The following SULT1A1 variants were observed in gnomAD, a reference collection of about 807,000 sequenced individuals.
SULT1A1 encodes sulfotransferase family 1A member 1, also known as sulfotransferase 1A1.
In SULT1A1, 35 loss-of-function variants were observed where a neutral mutation model predicts 36.8. The observed-to-expected ratio is 0.95, with a 90% CI of 0.73 to 1.26. The LOEUF (loss-of-function observed/expected upper bound fraction) is 1.26. SULT1A1 is among the 50% of genes most tolerant of loss of function. SULT1A1 has a pLI of 0.00. For missense variants in SULT1A1, 309 were observed against 383.0 expected, an observed-to-expected ratio of 0.81 and a Z score of 1.61; for synonymous variants, 119 against 146.0, an observed-to-expected ratio of 0.82 and a Z score of 1.33.
intron 6 of SULT1A1, 152 bp from the exon 7 acceptor site, chr16:28,606,388 G>T: frequency 1.4e-6 from 2 of 1,415,220 alleles, no homozygotes; most frequent in South Asian, 1.3e-5. Context: ...CCAGTCCCGG[G>T]GGTAAAAAGA....
intron 4 of SULT1A1, 116 bp downstream of exon 4, chr16:28,608,175 C>A: frequency 7.1e-7 from 1 of 1,418,176 alleles, no homozygotes; most frequent in Non-Finnish European, 9.7e-7. Flanking sequence ...TTAGTAGAGA[C>A]AAGGTTCTTC....
At chr16:28,610,536 G>C, upstream of SULT1A1, 1 of 299,592 alleles carries the variant, frequency 3.3e-6, no homozygotes, top group African/African-American at 2.2e-5. Context: ...TGACCACAAG[G>C]CCAGTCTAGA....
At position 28,606,941 on chromosome 16, in the gene SULT1A1, T is replaced by C; in HGVS notation, c.499+10A>G. ...TAGCTCCACACTTTCCTTCCTCCCA[T>C]CAAACCCACCTTCTCCGACCATGAA... is the stretch of plus-strand genomic sequence containing the variant. On this transcript the variant is annotated intron_variant, in intron 5 of 7. Coordinates refer to ENST00000314752, the MANE Select transcript of SULT1A1 (RefSeq NM_001055.4). 3 of 1,612,476 alleles carry C rather than the reference T, an allele frequency of 1.9e-6. No homozygotes were observed. Among genetic ancestry groups the C allele is most frequent in the Non-Finnish European group, 2.5e-6 (3 of 1,178,674 alleles).
exon 1 of SULT1A1, chr16:28,623,368 T>C (rs1475512321): frequency 2.7e-6 from 4 of 1,478,498 alleles, no homozygotes; most frequent in Non-Finnish European, 2.7e-6. Flanking sequence ...ACGAGCGAGC[T>C]ACGGCACGCT....
At chr16:28,610,265 T>C, upstream of SULT1A1, 3 of 508,546 alleles carry the variant, frequency 5.9e-6, no homozygotes, top group Non-Finnish European at 7.1e-6. Context: ...TTTTTTTCTG[T>C]TTTTTTTTTT....
chr16:28,611,623 C>T (rs1233126405), upstream of SULT1A1: 3 of 151,346 alleles, frequency 2.0e-5, no homozygotes, highest in East Asian at 2.0e-4. Flanking sequence ...AGGACCCCCA[C>T]GTTCCTCTTC....
chr16:28,608,458 C>A lies in SULT1A1; in HGVS notation c.274+20G>T, dbSNP rs1392975735. The A allele has an allele frequency of 6.2e-7, 1 of 1,612,360 alleles. No individual in the cohort carries two copies. Among genetic ancestry groups the A allele is most frequent in the African/African-American group, 1.3e-5 (1 of 74,880 alleles). ...CCTGTCTTCCTCCACTCCCCTTGCACCCAGGACACACTCACACACCTGAGG... is the reference window on the plus strand; with the variant it reads ...CCTGTCTTCCTCCACTCCCCTTGCAACCAGGACACACTCACACACCTGAGG... On this transcript the variant is annotated intron_variant, in intron 3 of 7. Coordinates refer to ENST00000314752, the MANE Select transcript of SULT1A1 (RefSeq NM_001055.4).
Position 28,621,219 on chromosome 16 carries a change from C to T in SULT1A1, c.68-1086G>A, listed in dbSNP as rs151113887. Among the ~76,000 whole-genome samples, 644 of 151,166 alleles carry T rather than the reference C, an allele frequency of 4.3e-3. 5 individuals are homozygous for T. The highest frequency in any genetic ancestry group is 7.3e-3 in the South Asian group (35 of 4,770). On this transcript the variant is annotated intron_variant, in intron 1 of 5. Transcript: ENST00000350842. ...GAACAATCTCAGGTGCGAGGGCTCA[C>T]GTCTGTGATCCCAGCACTTTGGGAG...
At chr16:28,623,108 A>AG (rs2047688783) in intron 1 of SULT1A1, 45 of 795,638 alleles carry the variant, frequency 5.7e-5, no homozygotes, top group Non-Finnish European at 7.2e-5. Context: ...CCCACCCCCC[A>AG]GGTTCCCCCC....
At chr16:28,621,446 A>T (rs2151726294) in intron 1 of SULT1A1, among the ~76,000 whole-genome samples, 1 of 138,932 alleles carries the variant, frequency 7.2e-6, no homozygotes, top group East Asian at 2.2e-4. Flanking sequence ...AGGCCACTGC[A>T]CACTCCAGGC....
Position 28,606,748 on chromosome 16 carries a change from C to G in SULT1A1, c.594+13G>C, listed in dbSNP as rs1216072772. The G allele has an allele frequency of 1.2e-6, 2 of 1,611,674 alleles. No homozygotes were observed. Among genetic ancestry groups the G allele is most frequent in the Non-Finnish European group, 1.7e-6 (2 of 1,178,322 alleles). On this transcript the variant is annotated intron_variant, in intron 6 of 7. Coordinates refer to ENST00000314752, the MANE Select transcript of SULT1A1 (RefSeq NM_001055.4). ...AGGAGTCACATGGAGGGAAGCATCG[C>G]ACGTGGTCTCACCTCCTTCATGTCT...
upstream of SULT1A1, chr16:28,614,753 C>G (rs542396698): frequency 7.5e-5 from 10 of 133,606 alleles, 2 homozygotes; most frequent in South Asian, 1.9e-3. Context: ...CCCCATTGTG[C>G]TGCTGGACCT....
In SULT1A1 at chr16:28,623,173, G is replaced by A. The variant is rs1596660089; in HGVS notation, c.25C>T (p.Gln9Ter). Residue 9 changes from glutamine to a stop codon, truncating the protein, a stop_gained, in exon 1 of 6, where the codon CAG (glutamine) becomes TAG (stop). Coordinates refer to the SULT1A1 transcript ENST00000350842. LOFTEE classifies it high-confidence loss of function. ...ACCGCGATGGGCGCACCGACCACCT[G>A]GTCGCACAGCAACTTGGCCAGCATG... is the stretch of plus-strand genomic sequence containing the variant. 6.5e-7 allele frequency: 1 copy of A among 1,546,790 alleles called. No homozygotes were observed. The highest frequency in any genetic ancestry group is 1.4e-5 in the African/African-American group (1 of 70,506).
At chr16:28,609,368 C>T (rs2047360188) in intron 1 of SULT1A1, 1 of 1,290,590 alleles carries the variant, frequency 7.7e-7, no homozygotes, top group Non-Finnish European at 1.0e-6. Flanking sequence ...CTTGCCTGGC[C>T]ACAGTCCATC....
At chr16:28,609,319 C>T in intron 1 of SULT1A1, 2 of 1,285,466 alleles carry the variant, frequency 1.6e-6, no homozygotes, top group Non-Finnish European at 2.0e-6. Context: ...CAGCCCCTCA[C>T]ATGTGGAAAC....
chr16:28,610,149 G>C (rs1470425198), upstream of SULT1A1: 1 of 1,285,750 alleles, frequency 7.8e-7, no homozygotes, highest in African/African-American at 1.5e-5. Context: ...TGTGCCAGCT[G>C]GAGACAAGCT....
chr16:28,610,272 T>C (rs1455338093), upstream of SULT1A1: 5 of 1,051,450 alleles, frequency 4.8e-6, no homozygotes, highest in South Asian at 1.6e-5. Context: ...CTGTTTTTTT[T>C]TTTTTTTTTT....
At chr16:28,615,530 C>T (rs2047520462) in intron 2 of SULT1A1, among the ~76,000 whole-genome samples, 3 of 149,044 alleles carry the variant, frequency 2.0e-5, no homozygotes, top group African/African-American at 7.4e-5. Flanking sequence ...CGGTGGAAGG[C>T]CAACCCCGAG....
In SULT1A1 at chr16:28,605,929, C is replaced by T; in HGVS notation, c.780G>A (p.Met260Ile). Residue 260 changes from methionine (M) to isoleucine (I), a missense_variant, in exon 8 of 8, where the codon ATG (methionine) becomes ATA (isoleucine). Coordinates refer to ENST00000314752, the MANE Select transcript of SULT1A1 (RefSeq NM_001055.4). ...HSISPFMRKG[M>I]AGDWKTTFTV... ...TGAAGGTGGTCTTCCAGTCCCCAGCCATGCCTGGGGGAGGAAGGCAGGGAG... is the reference window on the plus strand; with the variant it reads ...TGAAGGTGGTCTTCCAGTCCCCAGCTATGCCTGGGGGAGGAAGGCAGGGAG... The T allele has an allele frequency of 1.2e-6, 2 of 1,606,384 alleles. No individual in the cohort carries two copies. Among genetic ancestry groups the T allele is most frequent in the East Asian group, 2.2e-5 (1 of 44,798 alleles).
Sources: allele counts gnomAD v4.1 joint callset (sites outside exome capture counted in the v4.1 genomes callset), GRCh38; gene constraint gnomAD v4.1.1; transcripts MANE v1.5; gene names NCBI Gene and HGNC (gene_info 2026-07-23, HGNC 2026-07-21).